SIPA1L1: variants seen among roughly 807,000 people sequenced by gnomAD.
SIPA1L1 encodes signal-induced proliferation-associated 1-like protein 1.
In SIPA1L1, 26 loss-of-function variants were observed where a neutral mutation model predicts 162.7. That is an observed-to-expected ratio of 0.16 (90% CI 0.12 to 0.22). The LOEUF (loss-of-function observed/expected upper bound fraction) is 0.22. Ranked by LOEUF, SIPA1L1 falls within the 10% of genes least tolerant of loss-of-function variation. The pLI is 1.00. For synonymous variants in SIPA1L1, 829 were observed against 837.4 expected (o/e 0.99, Z 0.17); for missense variants, 1,874 against 2,241.0 (o/e 0.84, Z 3.31).
chr14:71,346,203 G>A (rs1222933890), intron 2 of SIPA1L1, among the ~76,000 whole-genome samples: 4 of 152,134 alleles, frequency 2.6e-5, no homozygotes, highest in African/African-American at 9.7e-5. Context: ...ACCGCACCCA[G>A]TCAAATTTGT....
intron 4 of SIPA1L1, among the ~76,000 whole-genome samples, chr14:71,562,844 G>A (rs2056901329): frequency 6.6e-6 from 1 of 152,154 alleles, no homozygotes. Context: ...TAGTAGAGGT[G>A]GGGTTTTGCC....
At chr14:71,431,461 G>A (rs2043980211) in intron 2 of SIPA1L1, among the ~76,000 whole-genome samples, 1 of 152,182 alleles carries the variant, frequency 6.6e-6, no homozygotes, top group Non-Finnish European at 1.5e-5. Context: ...GGGAGGCTGA[G>A]GCAGGAGAAT....
In SIPA1L1 at chr14:71,589,215, A is replaced by G; in HGVS notation, c.1343A>G (p.Glu448Gly). The change falls in exon 5 of 24, where the codon GAG becomes GGG. Residue 448 changes from glutamate (E) to glycine (G), a missense_variant. This residue lies in a region of SIPA1L1 where 685 missense variants were observed against 828.0 expected (regional missense o/e 0.83). Transcript: ENST00000381232. ...AGTGGATGTGAAAGTGCCTCCTTTG[A>G]GTCTACCCTTAGTTCCCATTGCACA... ...SFSGCESASF[E>G]STLSSHCTNA... The G allele has an allele frequency of 6.2e-7, 1 of 1,614,096 alleles. No individual in the cohort carries two copies. The highest frequency in any genetic ancestry group is 1.7e-5 in the Admixed American group (1 of 60,016).
rs1029354835 is a variant in SIPA1L1 at position 71,510,167 on chromosome 14, TC to T, written c.-464-2569del. ...TTCTGCTCATGCTAGTTCCCCTTAA[TC>T]CCCCCCACCTTTTTTTTTTTTTTTT... On this transcript the variant is annotated intron_variant, in intron 2 of 23. Transcript: ENST00000381232. Among the ~76,000 whole-genome samples, 6 of 135,994 alleles carry T rather than the reference TC, an allele frequency of 4.4e-5. No individual in the cohort carries two copies. The South Asian group carries it at 1.4e-3, about 33-fold the overall frequency. The allele number at this position is 135,994 out of a possible 152,430, so 89.2% of individuals were successfully genotyped here.
intron 4 of SIPA1L1, among the ~76,000 whole-genome samples, chr14:71,546,376 CTTTTTTTT>C (rs11480749): frequency 8.6e-6 from 1 of 116,932 alleles, no homozygotes; most frequent in Non-Finnish European, 1.7e-5. Context: ...CTTTTTCTTT[CTTTTTTTT>C]TTTTTTTTTG....
chr14:71,380,685 C>T (rs2039819284), intron 2 of SIPA1L1, among the ~76,000 whole-genome samples: 1 of 152,124 alleles, frequency 6.6e-6, no homozygotes, highest in African/African-American at 2.4e-5. Context: ...GATAGAGAGC[C>T]ATAGCTCTTA....
chr14:71,591,051 G>A (rs553048510), intron 5 of SIPA1L1, among the ~76,000 whole-genome samples: 12 of 152,188 alleles, frequency 7.9e-5, no homozygotes, highest in African/African-American at 2.9e-4. Context: ...CTGAGCTGTC[G>A]ATAGGTGGAG....
chr14:71,635,075 C>T (rs1477383456), intron 7 of SIPA1L1, among the ~76,000 whole-genome samples: 3 of 151,752 alleles, frequency 2.0e-5, no homozygotes, highest in African/African-American at 4.9e-5. Flanking sequence ...ATCAGGAGTT[C>T]GAGACCAGCC....
At chr14:71,670,919 A>G (rs552617665) in intron 10 of SIPA1L1, among the ~76,000 whole-genome samples, 200 bp from the exon 11 acceptor site, 2 of 152,340 alleles carry the variant, frequency 1.3e-5, no homozygotes, top group African/African-American at 2.4e-5. Context: ...CTAGAAAAAA[A>G]ATTATGTTGT....
intron 2 of SIPA1L1, among the ~76,000 whole-genome samples, chr14:71,504,796 TTAACTTGGGACTTC>T (rs912603184): frequency 6.6e-6 from 1 of 152,220 alleles, no homozygotes; most frequent in African/African-American, 2.4e-5. Context: ...TATTTGGGGT[TTAACTTGGGACTTC>T]TACCTTTTTT....
rs924369662 is a variant in SIPA1L1, at chr14:71,476,871, C to T, written c.-464-35872C>T. Reference sequence around the variant, plus strand: ...TTTTTGTATTTTTTTTTAAGAGAGACGGGTTTTCACCGTGTTAGCCAGGAT... The same window carrying T: ...TTTTTGTATTTTTTTTTAAGAGAGATGGGTTTTCACCGTGTTAGCCAGGAT... On this transcript the variant is annotated intron_variant, in intron 2 of 23. Transcript: ENST00000381232. 4.6e-5 allele frequency among the ~76,000 whole-genome samples: 7 copies of T among 151,836 alleles called. No individual in the cohort carries two copies. The South Asian group carries it at 1.0e-3, about 23-fold the overall frequency.
intron 2 of SIPA1L1, among the ~76,000 whole-genome samples, chr14:71,419,014 G>A (rs1331201406): frequency 6.6e-6 from 1 of 152,196 alleles, no homozygotes; most frequent in East Asian, 1.9e-4. Context: ...GATGATAAGG[G>A]AAACACAGTG....
chr14:71,403,224 A>G (rs1269980336), intron 2 of SIPA1L1, among the ~76,000 whole-genome samples: 1 of 152,182 alleles, frequency 6.6e-6, no homozygotes, highest in Non-Finnish European at 1.5e-5. Context: ...AGAAGTACCA[A>G]TTCATATTCC....
chr14:71,652,436 A>T (rs2042700857), intron 8 of SIPA1L1, among the ~76,000 whole-genome samples: 2 of 152,216 alleles, frequency 1.3e-5, no homozygotes, highest in African/African-American at 4.8e-5. Context: ...GCTTTTCAGA[A>T]CAAATGTTCA....
In SIPA1L1 at chr14:71,738,257, C is replaced by T. The variant is rs2085493129; in HGVS notation, c.5140C>T (p.Pro1714Ser). Residue 1714 changes from proline to serine, a missense_variant, in exon 23 of 24, where the codon CCC becomes TCC. Transcript: ENST00000381232. ...KPYSSSKDSS[P>S]TLASKVDQLE... is the part of the protein sequence containing the mutation. ...TGTTCCCAGCAGTAAAGACTCCTCT[C>T]CCACTCTGGCTTCTAAAGTGGACCA... The T allele has an allele frequency of 6.2e-7, 1 of 1,612,486 alleles. No individual in the cohort carries two copies. The highest frequency in any genetic ancestry group is 8.5e-7 in the Non-Finnish European group (1 of 1,178,894).
chr14:71,623,749 C>T (rs1007983416), intron 6 of SIPA1L1, among the ~76,000 whole-genome samples: 1 of 152,172 alleles, frequency 6.6e-6, no homozygotes, highest in Non-Finnish European at 1.5e-5. Flanking sequence ...ATATAGAGAC[C>T]TTGATCTTTA....
At chr14:71,567,104 A>G (rs2030794120) in intron 4 of SIPA1L1, among the ~76,000 whole-genome samples, 1 of 152,204 alleles carries the variant, frequency 6.6e-6, no homozygotes. Flanking sequence ...TTCTTATATT[A>G]GTCATAATTT....
chr14:71,407,034 G>T (rs983645556), intron 2 of SIPA1L1, among the ~76,000 whole-genome samples: 4 of 152,156 alleles, frequency 2.6e-5, no homozygotes, highest in Non-Finnish European at 5.9e-5. Flanking sequence ...CTGAGGTCAG[G>T]AGTTCAAGAC....
intron 4 of SIPA1L1, among the ~76,000 whole-genome samples, chr14:71,545,271 G>A (rs1445308716): frequency 1.3e-5 from 2 of 152,036 alleles, no homozygotes; most frequent in African/African-American, 4.8e-5. Context: ...GATTTTGACT[G>A]GGATTTCATT....
Sources: gnomAD v4.1 joint callset for allele counts (sites outside exome capture counted in the v4.1 genomes callset) on GRCh38, gnomAD v4.1.1 for gene constraint, gnomAD v4.1.1 regional missense constraint, MANE v1.5 for transcripts, NCBI Gene and HGNC (gene_info 2026-07-23, HGNC 2026-07-21) for gene names.